The following EMCN variants were observed in gnomAD, a reference collection of about 807,000 sequenced individuals.
EMCN encodes the protein endomucin.
Under a neutral mutation model 38.4 loss-of-function variants are expected in EMCN, and 37 were observed. The ratio of observed to expected loss-of-function variants is 0.96; its 90% confidence interval spans 0.74 to 1.27. The LOEUF (loss-of-function observed/expected upper bound fraction) is 1.27. Among genes scored for constraint, EMCN ranks in the 50% most tolerant of loss-of-function variants. EMCN has a pLI of 0.00. For missense variants in EMCN, 318 were observed against 302.8 expected, an observed-to-expected ratio of 1.05 and a Z score of -0.37; for synonymous variants, 95 against 100.8, an observed-to-expected ratio of 0.94 and a Z score of 0.35.
rs144379255 is a variant in EMCN, at chr4:100,435,769, C to T, written c.415+11764G>A. Among the ~76,000 whole-genome samples, 21 of 152,208 alleles carry T rather than the reference C, an allele frequency of 1.4e-4. No individual in the cohort carries two copies. The East Asian group carries it at 3.7e-3, about 27-fold the overall frequency. On this transcript the variant is annotated intron_variant, in intron 5 of 11. Transcript: ENST00000296420. The stretch of plus-strand genomic sequence containing the variant: ...CTTCAACAACCCTGACAAAAACAAG[C>T]AATGGGGAAAGGATTTTCTATTTAG...
chr4:100,399,264 A>C lies in EMCN; in HGVS notation c.*40-891T>G, dbSNP rs532262758. On this transcript the variant is annotated intron_variant, in intron 11 of 11. Coordinates refer to ENST00000296420, the MANE Select transcript of EMCN (RefSeq NM_016242.4). ...CCAAGTACGAAAAGGGTAGTGGCCC[A>C]AACTGGCAGAGATTAGGTGGTGTTG... Among the ~76,000 whole-genome samples, 217 of 152,286 alleles carry C rather than the reference A, an allele frequency of 1.4e-3. 1 individual carries two copies. Among genetic ancestry groups the C allele is most frequent in the African/African-American group, 4.9e-3 (205 of 41,576 alleles).
chr4:100,506,548 T>C lies in EMCN; in HGVS notation c.64+11303A>G, dbSNP rs77700708. Among the ~76,000 whole-genome samples the C allele has an allele frequency of 5.6e-3, 850 of 152,212 alleles. 3 individuals are homozygous for C. Among genetic ancestry groups the C allele is most frequent in the African/African-American group, 0.02 (811 of 41,534 alleles). Reference sequence around the variant, plus strand: ...ACTCAGATCTAACTGAATAATATCATGAGGGGATATGAAGTCCAATTTGTC... The same window carrying C: ...ACTCAGATCTAACTGAATAATATCACGAGGGGATATGAAGTCCAATTTGTC... On this transcript the variant is annotated intron_variant, in intron 1 of 11. Coordinates refer to ENST00000296420, the MANE Select transcript of EMCN (RefSeq NM_016242.4).
chr4:100,453,224 G>C (rs1379989746), intron 4 of EMCN, among the ~76,000 whole-genome samples: 2 of 152,056 alleles, frequency 1.3e-5, no homozygotes, highest in Admixed American at 1.3e-4. Context: ...CACCATCAGA[G>C]TGAACAGGCA....
chr4:100,516,791 G>T (rs1729770244), intron 1 of EMCN, among the ~76,000 whole-genome samples: 1 of 152,094 alleles, frequency 6.6e-6, no homozygotes, highest in Non-Finnish European at 1.5e-5. Context: ...TGTAAATTAA[G>T]ATTTTGTAGG....
chr4:100,506,139 A>C (rs527751807), intron 1 of EMCN, among the ~76,000 whole-genome samples: 198 of 152,334 alleles, frequency 1.3e-3, no homozygotes, highest in African/African-American at 4.7e-3. Context: ...ACTATGAAAC[A>C]AGAGTGGTAA....
intron 1 of EMCN, among the ~76,000 whole-genome samples, chr4:100,507,951 C>G (rs973271330): frequency 1.3e-5 from 2 of 152,118 alleles, no homozygotes; most frequent in African/African-American, 4.8e-5. Flanking sequence ...TGGACACTTT[C>G]TAACATCCCT....
chr4:100,421,461 A>C (rs1578401238), intron 7 of EMCN, 84 bp from the exon 8 acceptor site: 1 of 968,718 alleles, frequency 1.0e-6, no homozygotes, highest in East Asian at 2.4e-5. Flanking sequence ...AAGCATGAGT[A>C]CTTCCTTTCT....
At chr4:100,412,450 A>G (rs987227952) in intron 10 of EMCN, among the ~76,000 whole-genome samples, 5 of 152,198 alleles carry the variant, frequency 3.3e-5, no homozygotes, top group African/African-American at 1.2e-4. Flanking sequence ...CTTCTTCCAT[A>G]GAGTCATATA....
intron 2 of EMCN, among the ~76,000 whole-genome samples, chr4:100,475,822 C>T (rs9999222): frequency 5.3e-5 from 8 of 151,568 alleles, no homozygotes; most frequent in Admixed American, 1.3e-4. Flanking sequence ...GGACTACAGG[C>T]GCCCGCCACC....
At position 100,486,436 on chromosome 4, in the gene EMCN, G is replaced by A. The variant is rs147012080; in HGVS notation, c.65-6397C>T. Among the ~76,000 whole-genome samples the A allele has an allele frequency of 6.6e-5, 10 of 152,322 alleles. 1 individual carries two copies. Among genetic ancestry groups the A allele is most frequent in the African/African-American group, 2.4e-4 (10 of 41,568 alleles). On this transcript the variant is annotated intron_variant, in intron 1 of 11. Coordinates refer to ENST00000296420, the MANE Select transcript of EMCN (RefSeq NM_016242.4). ...AACATCAGAGCTAGGGGCAACTCTT[G>A]TAAAAGAAGCTTTTAAATTTAAAGT...
At chr4:100,459,304 C>CAT (rs36079035) in intron 4 of EMCN, among the ~76,000 whole-genome samples, 133,205 of 149,234 alleles carry the variant, frequency 0.89, 59,507 homozygotes, top group South Asian at 0.96. Flanking sequence ...GTGTGTACAC[C>CAT]ATATATATAT....
intron 1 of EMCN, among the ~76,000 whole-genome samples, chr4:100,504,091 G>A (rs1729416919): frequency 6.6e-6 from 1 of 152,190 alleles, no homozygotes. Flanking sequence ...TGCAGAGAGA[G>A]AGAGAATTAT....
chr4:100,429,685 G>C (rs1283594498), intron 5 of EMCN, among the ~76,000 whole-genome samples: 1 of 148,922 alleles, frequency 6.7e-6, no homozygotes, highest in Non-Finnish European at 1.5e-5. Flanking sequence ...AGAAATATTT[G>C]TTGTAGAAAA....
intron 1 of EMCN, among the ~76,000 whole-genome samples, chr4:100,493,304 T>C (rs1443605390): frequency 6.6e-6 from 1 of 152,236 alleles, no homozygotes; most frequent in African/African-American, 2.4e-5. Context: ...TATTCTCTTT[T>C]TCTAATATCC....
intron 1 of EMCN, among the ~76,000 whole-genome samples, chr4:100,502,498 C>A (rs1283580605): frequency 6.6e-6 from 1 of 152,032 alleles, no homozygotes; most frequent in East Asian, 1.9e-4. Context: ...TAAACAATTT[C>A]TTTTTAACTC....
chr4:100,494,030 C>A (rs779883056), intron 1 of EMCN, among the ~76,000 whole-genome samples: 20 of 152,174 alleles, frequency 1.3e-4, no homozygotes, highest in Non-Finnish European at 1.0e-4. Context: ...AAAAACATAT[C>A]TTTTCCTTTT....
chr4:100,417,079 G>C, intron 9 of EMCN, 38 bp downstream of exon 9: 1 of 1,600,852 alleles, frequency 6.2e-7, no homozygotes, highest in Non-Finnish European at 8.6e-7. Flanking sequence ...CTACGTAAAT[G>C]GTAGGGTCTA....
intron 1 of EMCN, among the ~76,000 whole-genome samples, chr4:100,481,610 G>T (rs1209233162): frequency 6.6e-6 from 1 of 152,088 alleles, no homozygotes; most frequent in African/African-American, 2.4e-5. Flanking sequence ...GCAGCCTCTA[G>T]AAGCTTATCT....
intron 4 of EMCN, among the ~76,000 whole-genome samples, chr4:100,448,361 T>C (rs1209884073): frequency 6.6e-6 from 1 of 152,164 alleles, no homozygotes; most frequent in Non-Finnish European, 1.5e-5. Context: ...CACTTGACTC[T>C]CTACATCAGC....
Sources: gnomAD v4.1 joint callset for allele counts (sites outside exome capture counted in the v4.1 genomes callset) on GRCh38, gnomAD v4.1.1 for gene constraint, MANE v1.5 for transcripts, NCBI Gene and HGNC (gene_info 2026-07-23, HGNC 2026-07-21) for gene names.